AKAP7: variants seen among roughly 807,000 people sequenced by gnomAD.
The protein encoded by AKAP7 is A kinase (PRKA) anchor protein 7.
Under a neutral mutation model 39.5 loss-of-function variants are expected in AKAP7, and 39 were observed. The ratio of observed to expected loss-of-function variants is 0.99; its 90% CI spans 0.76 to 1.29. AKAP7 has a LOEUF of 1.29. Among genes scored for constraint, AKAP7 ranks in the 50% most tolerant of loss-of-function variants. The pLI is 0.00. For synonymous variants in AKAP7, 140 were observed against 139.1 expected (o/e 1.01, Z -0.05); for missense variants, 414 against 407.7 (o/e 1.02, Z -0.13).
chr6:131,141,932 ACT>A (rs1801078854), intron 1 of AKAP7, among the ~76,000 whole-genome samples: 1 of 134,584 alleles, frequency 7.4e-6, no homozygotes, highest in Admixed American at 8.2e-5. Context: ...ACAGGGTCTC[ACT>A]CTGTCACCCA....
chr6:131,235,802 G>A (rs1202680412), intron 7 of AKAP7, among the ~76,000 whole-genome samples: 1 of 152,146 alleles, frequency 6.6e-6, no homozygotes, highest in Non-Finnish European at 1.5e-5. Context: ...ATAGATTCTG[G>A]ATATTAGCCC....
At chr6:131,177,690 G>A (rs1804718753) in intron 5 of AKAP7, among the ~76,000 whole-genome samples, 1 of 152,214 alleles carries the variant, frequency 6.6e-6, no homozygotes, top group South Asian at 2.1e-4. Context: ...CCATTTGGCA[G>A]GGAAACTGAG....
chr6:131,133,148 T>C (rs776102090), upstream of AKAP7, among the ~76,000 whole-genome samples: 11 of 152,146 alleles, frequency 7.2e-5, no homozygotes, highest in Non-Finnish European at 1.0e-4. Flanking sequence ...TAAAAAGTCA[T>C]GGTAAATCTT....
intron 6 of AKAP7, among the ~76,000 whole-genome samples, chr6:131,209,697 C>T (rs185384273): frequency 4.6e-5 from 7 of 152,108 alleles, no homozygotes; most frequent in African/African-American, 1.2e-4. Context: ...CAAAGATTAC[C>T]GTTAGTTATG....
chr6:131,258,747 G>T (rs2128324623), intron 7 of AKAP7, among the ~76,000 whole-genome samples: 1 of 152,282 alleles, frequency 6.6e-6, no homozygotes, highest in African/African-American at 2.4e-5. Context: ...CATAAATGTT[G>T]TTAATTTTAT....
chr6:131,219,645 GT>G lies in AKAP7; in HGVS notation c.703-10del. On this transcript the variant is annotated splice_polypyrimidine_tract_variant and intron_variant, in intron 6 of 7. Transcript: ENST00000431975. ...GGTGAAATGATTGATTGATTGATTT[GT>G]TTTTTCATTTCAAGGGAGTGAAAAA... The G allele has an allele frequency of 1.3e-6, 2 of 1,582,018 alleles. No individual in the cohort carries two copies. The highest frequency in any genetic ancestry group is 1.7e-6 in the Non-Finnish European group (2 of 1,164,756).
intron 7 of AKAP7, among the ~76,000 whole-genome samples, chr6:131,235,446 A>G (rs1810969359): frequency 1.3e-5 from 2 of 152,188 alleles, no homozygotes; most frequent in South Asian, 4.1e-4. Flanking sequence ...GCTGGGTCAA[A>G]TGGTATTTCT....
At chr6:131,176,507 T>G (rs1804597181) in intron 5 of AKAP7, among the ~76,000 whole-genome samples, 1 of 152,204 alleles carries the variant, frequency 6.6e-6, no homozygotes, top group Non-Finnish European at 1.5e-5. Flanking sequence ...ACTGAGAGAT[T>G]GCTAAAAATT....
chr6:131,131,049 T>C (rs938840641), upstream of AKAP7, among the ~76,000 whole-genome samples: 2 of 152,226 alleles, frequency 1.3e-5, no homozygotes, highest in Non-Finnish European at 2.9e-5. Context: ...AGCAGGTATA[T>C]GCAAACCTAT....
At chr6:131,203,601 A>T (rs1024087186) in intron 6 of AKAP7, among the ~76,000 whole-genome samples, 1 of 152,212 alleles carries the variant, frequency 6.6e-6, no homozygotes, top group Non-Finnish European at 1.5e-5. Flanking sequence ...AGTGAAAGGT[A>T]GAGTTACTCC....
chr6:131,181,661 T>C (rs1176363411), intron 5 of AKAP7, among the ~76,000 whole-genome samples: 1 of 152,172 alleles, frequency 6.6e-6, no homozygotes, highest in Non-Finnish European at 1.5e-5. Flanking sequence ...TTTAGCCTTA[T>C]TTCTTGTGTT....
At position 131,219,818 on chromosome 6, in the gene AKAP7, AT is replaced by A; in HGVS notation, c.850+13del. 6.8e-7 allele frequency: 1 copy of A among 1,468,052 alleles called. No homozygotes were observed. The highest frequency in any genetic ancestry group is 9.0e-7 in the Non-Finnish European group (1 of 1,109,862). 90.9% of individuals were successfully genotyped at this position (1,468,052 alleles called of 1,614,324 possible). ...TCTTCCATTGTGATTGGTGAGTGTCATTTAAAAATTATTTATTATCTTTATT... is the reference window on the plus strand; with the variant it reads ...TCTTCCATTGTGATTGGTGAGTGTCATTAAAAATTATTTATTATCTTTATT... On this transcript the variant is annotated intron_variant, in intron 7 of 7. Transcript: ENST00000431975.
chr6:131,148,207 G>C lies in AKAP7; in HGVS notation c.151+2791G>C, dbSNP rs561203829. On this transcript the variant is annotated intron_variant, in intron 2 of 7. Transcript: ENST00000431975. ...TTATCTATGTATACTAGGGGCTCAGGCCAGTCCACAAAAGTCTACTTTTAA... is the reference window on the plus strand; with the variant it reads ...TTATCTATGTATACTAGGGGCTCAGCCCAGTCCACAAAAGTCTACTTTTAA... Among the ~76,000 whole-genome samples the C allele has an allele frequency of 7.2e-5, 11 of 152,264 alleles. No homozygotes were observed. In the South Asian group the frequency reaches 2.1e-3, roughly 29 times the overall value.
chr6:131,226,003 G>A (rs1429779630), intron 7 of AKAP7, among the ~76,000 whole-genome samples: 2 of 152,106 alleles, frequency 1.3e-5, no homozygotes, highest in Non-Finnish European at 2.9e-5. Flanking sequence ...ATTAAATCTG[G>A]ATTTCCACCT....
intron 7 of AKAP7, among the ~76,000 whole-genome samples, chr6:131,280,639 T>C (rs1231332339): frequency 6.6e-6 from 1 of 152,198 alleles, no homozygotes; most frequent in Non-Finnish European, 1.5e-5. Flanking sequence ...ACCTTGTTCT[T>C]TCCTGGGTCC....
chr6:131,237,944 C>A (rs911736117), intron 7 of AKAP7, among the ~76,000 whole-genome samples: 5 of 152,098 alleles, frequency 3.3e-5, no homozygotes, highest in Non-Finnish European at 7.3e-5. Flanking sequence ...TTGCCTTCTG[C>A]TAGCTTTTGA....
chr6:131,257,982 T>A (rs1813003494), intron 7 of AKAP7, among the ~76,000 whole-genome samples: 2 of 152,162 alleles, frequency 1.3e-5, no homozygotes, highest in Non-Finnish European at 1.5e-5. Flanking sequence ...ATTAATACAC[T>A]TTTTTTGTTG....
chr6:131,273,183 T>A (rs1814434874), intron 7 of AKAP7, among the ~76,000 whole-genome samples: 1 of 152,186 alleles, frequency 6.6e-6, no homozygotes, highest in Non-Finnish European at 1.5e-5. Context: ...CCTTTTTCCG[T>A]ATTATTACCT....
At chr6:131,241,976 AAC>A (rs1284155053) in intron 7 of AKAP7, 1 of 864,468 alleles carries the variant, frequency 1.2e-6, no homozygotes, top group Non-Finnish European at 1.4e-6. Flanking sequence ...GGGCTAAAGA[AAC>A]ACAGAGTATA....
Sources: allele counts gnomAD v4.1 joint callset (sites outside exome capture counted in the v4.1 genomes callset), GRCh38; gene constraint gnomAD v4.1.1; transcripts MANE v1.5; gene names NCBI Gene and HGNC (gene_info 2026-07-23, HGNC 2026-07-21).